CHD9: variants seen among roughly 807,000 people sequenced by gnomAD.
The protein encoded by CHD9 is ATP-dependent chromatin remodeler CHD9.
Under a neutral mutation model 316.1 loss-of-function variants are expected in CHD9, and 77 were observed. The ratio of observed to expected loss-of-function variants is 0.24; its 90% CI spans 0.20 to 0.29. The LOEUF (loss-of-function observed/expected upper bound fraction) is 0.29, where lower values mean the gene tolerates loss of function less well. Among genes scored for constraint, CHD9 ranks in the 10% least tolerant of loss-of-function variants. The probability of loss-of-function intolerance (pLI) is 1.00; values close to 1 mark genes in which losing one functional copy is unlikely to be tolerated. For missense variants in CHD9, 2,763 were observed against 3,438.1 expected (o/e 0.80, Z 4.91); for synonymous variants, 1,129 against 1,158.3 (o/e 0.97, Z 0.51).
At chr16:53,154,621 C>A (rs374283157) in intron 1 of CHD9, among the ~76,000 whole-genome samples, 4 of 152,118 alleles carry the variant, frequency 2.6e-5, no homozygotes, top group African/African-American at 9.7e-5. Context: ...TAATTAGATT[C>A]TTATAAGGGA....
At chr16:53,178,073 G>A (rs1013479557) in intron 2 of CHD9, among the ~76,000 whole-genome samples, 1 of 152,172 alleles carries the variant, frequency 6.6e-6, no homozygotes, top group Non-Finnish European at 1.5e-5. Flanking sequence ...CTGCAAGTGG[G>A]TATGAGACTG....
At chr16:53,175,055 C>T (rs147414367) in intron 2 of CHD9, among the ~76,000 whole-genome samples, 1,554 of 152,314 alleles carry the variant, frequency 0.01, 20 homozygotes, top group Non-Finnish European at 0.017. Flanking sequence ...CCTACTGACA[C>T]AATCGCCTTG....
intron 2 of CHD9, among the ~76,000 whole-genome samples, chr16:53,206,299 G>C (rs1255684021): frequency 6.7e-6 from 1 of 150,256 alleles, no homozygotes; most frequent in African/African-American, 2.5e-5. Context: ...GGCTCTTCCT[G>C]CTCCTCAGCC....
At chr16:53,188,917 G>T (rs71388293) in intron 2 of CHD9, among the ~76,000 whole-genome samples, 3 of 151,722 alleles carry the variant, frequency 2.0e-5, no homozygotes, top group African/African-American at 7.3e-5. Flanking sequence ...TGTCTATTCA[G>T]ATCTTTTGCC....
chr16:53,298,666 A>G (rs940844942), intron 30 of CHD9: 1 of 152,246 alleles, frequency 6.6e-6, no homozygotes, highest in Admixed American at 6.6e-5. Context: ...AAATAAATAA[A>G]CAGAAAGCTA....
At position 53,303,885 on chromosome 16, in the gene CHD9, G is replaced by A. The variant is rs2055679297; in HGVS notation, c.5879G>A (p.Trp1960Ter). Reference protein sequence around the residue: ...LCHPNPDLPVWWECGPHDRDL... With the variant: ...LCHPNPDLPV ...CATCCAAATCCAGATTTACCAGTCTGGTGGGAATGTGGCCCTCATGATAGG... is the reference window on the plus strand; with the variant it reads ...CATCCAAATCCAGATTTACCAGTCTAGTGGGAATGTGGCCCTCATGATAGG... The change falls in exon 31 of 39, where the codon TGG (tryptophan) becomes TAG (stop). Residue 1960 changes from tryptophan (W) to a stop codon, truncating the protein, a stop_gained. Transcript: ENST00000447540. LOFTEE classifies it high-confidence loss of function. The A allele has an allele frequency of 6.2e-7, 1 of 1,613,866 alleles. No individual in the cohort carries two copies. The highest frequency in any genetic ancestry group is 8.5e-7 in the Non-Finnish European group (1 of 1,179,886).
At chr16:53,082,950 C>T (rs892256575) in intron 1 of CHD9, among the ~76,000 whole-genome samples, 2 of 152,202 alleles carry the variant, frequency 1.3e-5, no homozygotes, top group African/African-American at 4.8e-5. Context: ...TCCCATCAGT[C>T]GTCTGCCTCC....
intron 1 of CHD9, among the ~76,000 whole-genome samples, chr16:53,142,994 G>A (rs759408832): frequency 3.9e-5 from 6 of 152,098 alleles, no homozygotes; most frequent in Non-Finnish European, 7.4e-5. Flanking sequence ...AGAGAGCAAG[G>A]CATGACTGAA....
At chr16:53,217,892 A>G (rs2152894248) in intron 3 of CHD9, among the ~76,000 whole-genome samples, 1 of 150,436 alleles carries the variant, frequency 6.6e-6, no homozygotes, top group African/African-American at 2.4e-5. Context: ...GGTGCATACC[A>G]CTGCGCCTGG....
At chr16:53,072,987 G>A (rs981103522) in intron 1 of CHD9, among the ~76,000 whole-genome samples, 5 of 152,100 alleles carry the variant, frequency 3.3e-5, no homozygotes, top group African/African-American at 2.4e-5. Flanking sequence ...CAGCCACCAC[G>A]CCCGGCCATC....
rs778615008 is a variant in CHD9 at position 53,245,727 on chromosome 16, C to T, written c.3331C>T (p.Arg1111Trp). The change falls in exon 15 of 39, where the codon CGG becomes TGG. Residue 1111 changes from arginine (R) to tryptophan (W), a missense_variant. By Grantham distance (101) the Arg-to-Trp change is moderately radical. Transcript: ENST00000447540. The surrounding 1 kb of genome is among the most constrained non-coding windows in gnomAD (Gnocchi z 4.1). ...TACTAATATTCAAAAGAAATACTACCGGGCTATCTTGGAAAAGAACTTTTC... is the reference window on the plus strand; with the variant it reads ...TACTAATATTCAAAAGAAATACTACTGGGCTATCTTGGAAAAGAACTTTTC... ...ELTNIQKKYY[R>W]AILEKNFSFL... is the part of the protein sequence containing the mutation. 1.9e-6 allele frequency: 3 copies of T among 1,610,784 alleles called. No individual in the cohort carries two copies. Among genetic ancestry groups the T allele is most frequent in the Non-Finnish European group, 1.7e-6 (2 of 1,178,894 alleles).
chr16:53,201,846 T>G (rs552715618), intron 2 of CHD9, among the ~76,000 whole-genome samples: 3 of 142,046 alleles, frequency 2.1e-5, no homozygotes, highest in Admixed American at 7.1e-5. Context: ...CAGTTTGAGG[T>G]TTTTTTTTTT....
intron 24 of CHD9, among the ~76,000 whole-genome samples, chr16:53,275,337 G>C (rs935527306): frequency 7.2e-5 from 11 of 152,056 alleles, no homozygotes; most frequent in African/African-American, 2.7e-4. Flanking sequence ...CCCAGACACA[G>C]ACACTGATTT....
intron 1 of CHD9, among the ~76,000 whole-genome samples, chr16:53,105,925 C>T (rs1021939860): frequency 4.6e-5 from 7 of 151,552 alleles, no homozygotes; most frequent in African/African-American, 1.5e-4. Flanking sequence ...TGGGTTCAAG[C>T]AATTCTCCTG....
In CHD9 at chr16:53,262,290, A is replaced by G. The variant is rs140560186; in HGVS notation, c.4210-697A>G. ...GTGATTTAAATTGTAAATAATGGTT[A>G]TTAGAACACAGGTTAAAGAGTTGAA... On this transcript the variant is annotated intron_variant, in intron 19 of 38. Transcript: ENST00000447540. 3.1e-3 allele frequency among the ~76,000 whole-genome samples: 471 copies of G among 152,294 alleles called. 5 individuals are homozygous for G. The highest frequency in any genetic ancestry group is 0.011 in the African/African-American group (455 of 41,592).
chr16:53,296,434 A>ATTTTTTTTTTTTTT (rs35618799), intron 29 of CHD9, among the ~76,000 whole-genome samples: 2 of 101,764 alleles, frequency 2.0e-5, no homozygotes, highest in African/African-American at 8.2e-5. Context: ...TTAAAAGTAA[A>ATTTTTTTTTTTTTT]TTTTTTTTTT....
intron 30 of CHD9, among the ~76,000 whole-genome samples, 190 bp downstream of exon 30, chr16:53,297,348 A>T (rs1320563963): frequency 6.6e-6 from 1 of 152,216 alleles, no homozygotes; most frequent in African/African-American, 2.4e-5. Context: ...TTAAAACGAG[A>T]TCTAAAGAGA....
chr16:53,261,628 T>G (rs2051139234), intron 19 of CHD9, among the ~76,000 whole-genome samples: 1 of 152,154 alleles, frequency 6.6e-6, no homozygotes, highest in Non-Finnish European at 1.5e-5. Flanking sequence ...CCTCCTGCCT[T>G]GGCCTCCCAG....
At position 53,324,248 on chromosome 16, in the gene CHD9, C is replaced by G. The variant is rs747001595; in HGVS notation, c.8047C>G (p.Gln2683Glu). ...QALQQNLQNL[Q>E]SLQVTAGLMG... Reference sequence around the variant, plus strand: ...CTTACAACAAAACCTACAAAACTTGCAGTCACTGCAAGTAACTGCTGGGTT... The same window carrying G: ...CTTACAACAAAACCTACAAAACTTGGAGTCACTGCAAGTAACTGCTGGGTT... The change falls in exon 39 of 39, where the codon CAG becomes GAG. Residue 2683 changes from glutamine to glutamate, a missense_variant. Gln to Glu is a conservative substitution (Grantham distance 29, BLOSUM62 2). Coordinates refer to ENST00000447540, the MANE Select transcript of CHD9 (RefSeq NM_001308319.2). 2 of 1,613,980 alleles carry G rather than the reference C, an allele frequency of 1.2e-6. No homozygotes were observed. The highest frequency in any genetic ancestry group is 2.2e-5 in the South Asian group (2 of 91,080).
Sources: gnomAD v4.1 joint callset for allele counts (sites outside exome capture counted in the v4.1 genomes callset) on GRCh38, gnomAD v4.1.1 for gene constraint, Gnocchi (gnomAD v3.1) non-coding constraint, MANE v1.5 for transcripts, NCBI Gene and HGNC (gene_info 2026-07-23, HGNC 2026-07-21) for gene names.